The following GPR142 variants were observed in gnomAD, a reference collection of about 807,000 sequenced individuals.
The protein encoded by GPR142 is G protein-coupled receptor 142, also known as G-protein coupled receptor 142 long form.
In GPR142, 9 loss-of-function variants were observed where a neutral mutation model predicts 10.6. That is an observed-to-expected ratio of 0.85 (90% CI 0.51 to 1.48). The LOEUF (loss-of-function observed/expected upper bound fraction) is 1.48, where lower values mean the gene tolerates loss of function less well. Among genes scored for constraint, GPR142 ranks in the 40% most tolerant of loss-of-function variants. The pLI is 0.00. For synonymous variants in GPR142, 202 were observed against 221.2 expected (o/e 0.91, Z 0.77); for missense variants, 482 against 506.0 (o/e 0.95, Z 0.45).
At position 74,372,031 on chromosome 17, in the gene GPR142, C is replaced by G; in HGVS notation, c.556C>G (p.Arg186Gly). 1 of 1,613,756 alleles carries G rather than the reference C, an allele frequency of 6.2e-7. No individual in the cohort carries two copies. Among genetic ancestry groups the G allele is most frequent in the Non-Finnish European group, 8.5e-7 (1 of 1,180,002 alleles). The change falls in exon 4 of 4, where the codon CGG (arginine) becomes GGG (glycine). Residue 186 changes from arginine to glycine, a missense_variant. By Grantham distance (125) the Arg-to-Gly change is moderately radical. Transcript: ENST00000582579. ...LHHRAASSPG[R>G]TRRAIAAVLS... ...CCATCGGGCCGCCTCGTCCCCAGGCCGGACCCGCCGGGCCATTGCTGCTGT... is the reference window on the plus strand; with the variant it reads ...CCATCGGGCCGCCTCGTCCCCAGGCGGGACCCGCCGGGCCATTGCTGCTGT...
chr17:74,372,238 A>G lies in GPR142; in HGVS notation c.763A>G (p.Arg255Gly). Residue 255 changes from arginine to glycine, a missense_variant, in exon 4 of 4, where the codon AGG becomes GGG. Physicochemically the swap from Arg to Gly is moderately radical, Grantham distance 125 (BLOSUM62 -2). Transcript: ENST00000582579. ...GGCCATCATCCACCGGCTACGGAGGAGGGGCCGGAGTGGGCTGCAGCCCCG... is the reference window on the plus strand; with the variant it reads ...GGCCATCATCCACCGGCTACGGAGGGGGGGCCGGAGTGGGCTGCAGCCCCG... ...NSAIIHRLRR[R>G]GRSGLQPRVG... is the part of the protein sequence containing the mutation. 1 of 1,613,710 alleles carries G rather than the reference A, an allele frequency of 6.2e-7. No individual in the cohort carries two copies.
Position 74,371,894 on chromosome 17 carries a change from A to G in GPR142, c.419A>G (p.Gln140Arg). The G allele has an allele frequency of 6.2e-7, 1 of 1,613,238 alleles. No homozygotes were observed. The highest frequency in any genetic ancestry group is 8.5e-7 in the Non-Finnish European group (1 of 1,180,002). ...GCAGTGCTGGCCCGCCAGGTGCCCCAGGCTGTGGTGCGCACGGCCAACATC... is the reference window on the plus strand; with the variant it reads ...GCAGTGCTGGCCCGCCAGGTGCCCCGGGCTGTGGTGCGCACGGCCAACATC... ...QGAVLARQVP[Q>R]AVVRTANILE... Residue 140 changes from glutamine (Q) to arginine (R), a missense_variant, in exon 4 of 4, where the codon CAG (glutamine) becomes CGG (arginine). Gln to Arg is a conservative substitution (Grantham distance 43). Coordinates refer to ENST00000582579, the MANE Select transcript of GPR142 (RefSeq NM_001331076.1).
Position 74,372,166 on chromosome 17 carries a change from C to G in GPR142, c.691C>G (p.Leu231Val), listed in dbSNP as rs904140257. Residue 231 changes from leucine to valine, a missense_variant, in exon 4 of 4, where the codon CTC (leucine) becomes GTC (valine). By Grantham distance (32) the Leu-to-Val change is conservative. Transcript: ENST00000582579. ...CGAGGTCCTCAAGTGGGCTCACTGT[C>G]TCACTGTCTATTTCATCCCTTGTGG... ...LDEVLKWAHC[L>V]TVYFIPCGVF... The G allele has an allele frequency of 1.9e-6, 3 of 1,614,048 alleles. No individual in the cohort carries two copies. The African/African-American group carries it at 4.0e-5, about 22-fold the overall frequency.
intron 3 of GPR142, 35 bp downstream of exon 3, chr17:74,370,714 T>G: frequency 6.3e-7 from 1 of 1,585,156 alleles, no homozygotes; most frequent in East Asian, 2.3e-5. Context: ...GACTTGGGCT[T>G]GGCCAGAAAT....
In GPR142 at chr17:74,369,595, T is replaced by C; in HGVS notation, c.55T>C (p.Ser19Pro). Reference protein sequence around the residue: ...PQKKPQVTQDSGPQSMGLEGR... With the variant: ...PQKKPQVTQDPGPQSMGLEGR... ...GAAAAAGCCACAGGTGACCCAGGAC[T>C]CAGGGCCCCAGAGCATGGGGCTTGA... Residue 19 changes from serine (S) to proline (P), a missense_variant, in exon 2 of 4, where the codon TCA (serine) becomes CCA (proline). Coordinates refer to ENST00000582579, the MANE Select transcript of GPR142 (RefSeq NM_001331076.1). 1 of 1,551,268 alleles carries C rather than the reference T, an allele frequency of 6.4e-7. No homozygotes were observed. Among genetic ancestry groups the C allele is most frequent in the Non-Finnish European group, 8.7e-7 (1 of 1,146,864 alleles).
Position 74,367,765 on chromosome 17 carries a change from C to G in GPR142, c.-103C>G. The G allele has an allele frequency of 1.2e-6, 2 of 1,612,112 alleles. No homozygotes were observed. The highest frequency in any genetic ancestry group is 2.2e-5 in the East Asian group (1 of 44,832). The stretch of plus-strand genomic sequence containing the variant: ...TTCCGCCAGGTGAATCCAGCTGCCT[C>G]CCAGAACAGGCCTTCTATGGGGTGG... On this transcript the variant is annotated 5_prime_UTR_variant, in exon 1 of 4. Transcript: ENST00000582579.
chr17:74,371,037 C>T (rs1197581374), intron 3 of GPR142, among the ~76,000 whole-genome samples: 7 of 152,114 alleles, frequency 4.6e-5, no homozygotes, highest in Non-Finnish European at 8.8e-5. Context: ...CGGGTGGTCT[C>T]GGCCCTGGGG....
At chr17:74,368,238 C>T (rs1459436418) in intron 1 of GPR142, among the ~76,000 whole-genome samples, 1 of 152,214 alleles carries the variant, frequency 6.6e-6, no homozygotes, top group Non-Finnish European at 1.5e-5. Context: ...GAGGGTCAGC[C>T]TCCTCTCACC....
Position 74,371,980 on chromosome 17 carries a change from T to C in GPR142, c.505T>C (p.Tyr169His), listed in dbSNP as rs2055030845. The change falls in exon 4 of 4, where the codon TAC becomes CAC. Residue 169 changes from tyrosine to histidine, a missense_variant. Physicochemically the swap from Tyr to His is moderately conservative, Grantham distance 83. Coordinates refer to ENST00000582579, the MANE Select transcript of GPR142 (RefSeq NM_001331076.1). ...WIAILLTVDR[Y>H]TALCHPLHHR... ...CGCCATCCTGCTCACGGTTGACCGC[T>C]ACACTGCCCTGTGCCACCCCCTGCA... The C allele has an allele frequency of 6.2e-7, 1 of 1,612,778 alleles. No individual in the cohort carries two copies. The highest frequency in any genetic ancestry group is 1.7e-5 in the Admixed American group (1 of 59,996).
In GPR142 at chr17:74,372,154, TG is replaced by T; in HGVS notation, c.682del (p.Ala228LeufsTer135). 3 of 1,614,156 alleles carry T rather than the reference TG, an allele frequency of 1.9e-6. No individual in the cohort carries two copies. The highest frequency in any genetic ancestry group is 2.5e-6 in the Non-Finnish European group (3 of 1,180,014). ...SPRTLDEVLK[W>X]AHCLTVYFIP... ...CAGAACACTGGACGAGGTCCTCAAG[TG>T]GGCTCACTGTCTCACTGTCTATTTC... On this transcript the variant is annotated frameshift_variant, in exon 4 of 4. Transcript: ENST00000582579. LOFTEE classifies it low-confidence loss of function (END_TRUNC).
Position 74,370,663 on chromosome 17 carries a change from G to A in GPR142, c.237G>A (p.Leu79=), listed in dbSNP as rs2055017199. ...VIPVIYYSVL[L]GLGLPVSLLT... ...CTGTCATCTACTACAGTGTCCTGCT[G>A]GGCTTGGGGCTGCCTGGTGAGTGGG... Residue 79 remains leucine, a synonymous_variant, in exon 3 of 4, where the codon CTG becomes CTA. Coordinates refer to ENST00000582579, the MANE Select transcript of GPR142 (RefSeq NM_001331076.1). The A allele has an allele frequency of 1.2e-6, 2 of 1,612,576 alleles. No homozygotes were observed. Among genetic ancestry groups the A allele is most frequent in the Admixed American group, 3.3e-5 (2 of 59,816 alleles).
Position 74,372,252 on chromosome 17 carries a change from G to A in GPR142, c.777G>A (p.Gly259=). 1 of 1,613,662 alleles carries A rather than the reference G, an allele frequency of 6.2e-7. No homozygotes were observed. Among genetic ancestry groups the A allele is most frequent in the African/African-American group, 1.3e-5 (1 of 75,062 alleles). ...IHRLRRRGRS[G]LQPRVGKSTA... ...GGCTACGGAGGAGGGGCCGGAGTGG[G>A]CTGCAGCCCCGGGTGGGCAAGAGCA... Residue 259 remains glycine, a synonymous_variant, in exon 4 of 4, where the codon GGG becomes GGA. Coordinates refer to ENST00000582579, the MANE Select transcript of GPR142 (RefSeq NM_001331076.1).
At chr17:74,370,450 A>G in intron 2 of GPR142, 71 bp from the exon 3 acceptor site, 1 of 1,475,496 alleles carries the variant, frequency 6.8e-7, no homozygotes, top group South Asian at 1.3e-5. Flanking sequence ...ACCCCAGGTC[A>G]GGGCGGGGCT....
In GPR142 at chr17:74,371,920, C is replaced by G. The variant is rs756253401; in HGVS notation, c.445C>G (p.Leu149Val). The G allele has an allele frequency of 6.8e-6, 11 of 1,612,828 alleles. No individual in the cohort carries two copies. The change falls in exon 4 of 4, where the codon CTG becomes GTG. Residue 149 changes from leucine (L) to valine (V), a missense_variant. By Grantham distance (32) the Leu-to-Val change is conservative. Coordinates refer to ENST00000582579, the MANE Select transcript of GPR142 (RefSeq NM_001331076.1). ...PQAVVRTANI[L>V]EFAANHASVW... ...GGCTGTGGTGCGCACGGCCAACATC[C>G]TGGAGTTTGCTGCCAACCACGCCTC...
At chr17:74,370,760 T>G in intron 3 of GPR142, 81 bp downstream of exon 3, 1 of 1,380,668 alleles carries the variant, frequency 7.2e-7, no homozygotes, top group Non-Finnish European at 1.0e-6. Flanking sequence ...GTCCTCTGTG[T>G]TTGACCCCTG....
Position 74,372,463 on chromosome 17 carries a change from A to T in GPR142, c.988A>T (p.Ser330Cys), listed in dbSNP as rs755462171. ...AANFGLYCFV[S>C]KTFRATVRQV... Reference sequence around the variant, plus strand: ...CAACTTCGGCCTCTACTGCTTTGTCAGCAAGACTTTCCGGGCCACTGTCCG... The same window carrying T: ...CAACTTCGGCCTCTACTGCTTTGTCTGCAAGACTTTCCGGGCCACTGTCCG... The change falls in exon 4 of 4, where the codon AGC becomes TGC. Residue 330 changes from serine to cysteine, a missense_variant. By Grantham distance (112) the Ser-to-Cys change is moderately radical (BLOSUM62 -1). Transcript: ENST00000582579. 1.2e-6 allele frequency: 2 copies of T among 1,613,832 alleles called. No homozygotes were observed. The highest frequency in any genetic ancestry group is 2.7e-5 in the African/African-American group (2 of 74,952).
chr17:74,369,625 C>G lies in GPR142; in HGVS notation c.85C>G (p.Arg29Gly). The change falls in exon 2 of 4, where the codon CGA (arginine) becomes GGA (glycine). Residue 29 changes from arginine to glycine, a missense_variant. Physicochemically the swap from Arg to Gly is moderately radical, Grantham distance 125. Transcript: ENST00000582579. Reference protein sequence around the residue: ...SGPQSMGLEGRETAGQPRVTL... With the variant: ...SGPQSMGLEGGETAGQPRVTL... ...GCCCCAGAGCATGGGGCTTGAGGGA[C>G]GAGAGACAGGTAAGGCATCTTGAAG... 1 of 1,546,426 alleles carries G rather than the reference C, an allele frequency of 6.5e-7. No individual in the cohort carries two copies.
chr17:74,370,618 G>C lies in GPR142; in HGVS notation c.192G>C (p.Pro64=), dbSNP rs772193374. 5.0e-6 allele frequency: 8 copies of C among 1,614,092 alleles called. No homozygotes were observed. In the East Asian group the frequency reaches 1.8e-4, roughly 36 times the overall value. The part of the protein sequence containing the change: ...SHWPEIAERS[P]CVAGVIPVIY... ...GGCCAGAGATCGCAGAGAGGTCCCC[G>C]TGTGTGGCTGGCGTCATCCCTGTCA... is the stretch of plus-strand genomic sequence containing the variant. Residue 64 remains proline, a synonymous_variant, in exon 3 of 4, where the codon CCG becomes CCC. Coordinates refer to ENST00000582579, the MANE Select transcript of GPR142 (RefSeq NM_001331076.1).
Position 74,371,709 on chromosome 17 carries a change from C to A in GPR142, c.254-20C>A. On this transcript the variant is annotated intron_variant, in intron 3 of 3. Transcript: ENST00000582579. ...CTCTCTTCTGATGCCTCTCCCCTCC[C>A]TCACCTCGGCTGCCCTCAGTCAGCC... The A allele has an allele frequency of 6.3e-7, 1 of 1,580,492 alleles. No individual in the cohort carries two copies. The highest frequency in any genetic ancestry group is 1.1e-5 in the South Asian group (1 of 89,378).
Sources: allele counts gnomAD v4.1 joint callset (sites outside exome capture counted in the v4.1 genomes callset), GRCh38; gene constraint gnomAD v4.1.1; transcripts MANE v1.5; gene names NCBI Gene and HGNC (gene_info 2026-07-23, HGNC 2026-07-21).